The following CEP128 variants were observed in gnomAD, a reference collection of about 807,000 sequenced individuals.
CEP128 encodes centrosomal protein 128kDa.
A neutral mutation model predicts 156.7 loss-of-function variants in CEP128; 132 were observed. That is an observed-to-expected ratio of 0.84 (90% CI 0.73 to 0.97). The LOEUF (loss-of-function observed/expected upper bound fraction) is 0.97. Ranked by LOEUF, CEP128 falls within the 50% of genes least tolerant of loss-of-function variation. The pLI is 0.00. For synonymous variants in CEP128, 469 were observed against 448.9 expected (o/e 1.04, Z -0.57); for missense variants, 1,252 against 1,281.9 (o/e 0.98, Z 0.36).
chr14:80,836,074 A>T, intron 12 of CEP128, 131 bp downstream of exon 12: 1 of 836,370 alleles, frequency 1.2e-6, no homozygotes, highest in Non-Finnish European at 1.9e-6. Flanking sequence ...GAAAATGTTT[A>T]ATAGATCAAG....
At chr14:80,564,628 G>C (rs1383929651) in intron 20 of CEP128, among the ~76,000 whole-genome samples, 1 of 152,264 alleles carries the variant, frequency 6.6e-6, no homozygotes, top group Non-Finnish European at 1.5e-5. Context: ...CCTGGGTGTA[G>C]GCTGAACTAA....
chr14:80,817,697 G>A (rs976081025), intron 13 of CEP128, among the ~76,000 whole-genome samples: 1 of 151,984 alleles, frequency 6.6e-6, no homozygotes, highest in Non-Finnish European at 1.5e-5. Context: ...CCTGGCCAAC[G>A]TGATGAAACC....
chr14:80,492,964 TA>T (rs1310829539), downstream of CEP128, among the ~76,000 whole-genome samples: 1 of 152,128 alleles, frequency 6.6e-6, no homozygotes, highest in Non-Finnish European at 1.5e-5. Context: ...AGTTTTCTTT[TA>T]AAAATATATA....
At chr14:80,803,037 C>T (rs1485023047) in intron 13 of CEP128, among the ~76,000 whole-genome samples, 1 of 152,116 alleles carries the variant, frequency 6.6e-6, no homozygotes, top group Non-Finnish European at 1.5e-5. Flanking sequence ...AGACAATACA[C>T]GTTTTCATTC....
downstream of CEP128, among the ~76,000 whole-genome samples, chr14:80,493,578 A>G (rs1020121023): frequency 5.3e-5 from 8 of 152,166 alleles, no homozygotes; most frequent in African/African-American, 1.9e-4. Context: ...ATGCCCAACC[A>G]CAGAAGTATC....
intron 18 of CEP128, among the ~76,000 whole-genome samples, chr14:80,746,787 AC>A: frequency 6.6e-6 from 1 of 152,332 alleles, no homozygotes; most frequent in East Asian, 1.9e-4. Flanking sequence ...GCCACTACCA[AC>A]AAAAAGAAGA....
At chr14:80,780,582 G>T (rs1336350913) in intron 15 of CEP128, among the ~76,000 whole-genome samples, 1 of 151,904 alleles carries the variant, frequency 6.6e-6, no homozygotes, top group Non-Finnish European at 1.5e-5. Flanking sequence ...TCCGCAGAAT[G>T]CTTATAAATT....
At chr14:80,506,793 A>T (rs1325408780) in intron 23 of CEP128, among the ~76,000 whole-genome samples, 1 of 152,216 alleles carries the variant, frequency 6.6e-6, no homozygotes. Flanking sequence ...AAAGGCACGA[A>T]CATAATCCTC....
intron 4 of CEP128, among the ~76,000 whole-genome samples, chr14:80,908,616 T>C (rs949887234): frequency 1.3e-5 from 2 of 152,252 alleles, no homozygotes; most frequent in African/African-American, 2.4e-5. Flanking sequence ...GGTTACCTTA[T>C]AGTCCCATAT....
chr14:80,517,877 C>A (rs1278413221), intron 23 of CEP128, among the ~76,000 whole-genome samples: 1 of 152,192 alleles, frequency 6.6e-6, no homozygotes, highest in East Asian at 1.9e-4. Context: ...AGCCTTTATC[C>A]TGACTGGGAG....
In CEP128 at chr14:80,909,150, T is replaced by C. The variant is rs140948563; in HGVS notation, c.235-3069A>G. On this transcript the variant is annotated intron_variant, in intron 4 of 24. Transcript: ENST00000555265. ...TGGACTTAAGTTTTTTGCCAGATTC[T>C]GACTACATAATTCCTCACTGCCTTA... 2.4e-4 allele frequency among the ~76,000 whole-genome samples: 36 copies of C among 152,302 alleles called. No homozygotes were observed. In the East Asian group the frequency reaches 6.8e-3, roughly 29 times the overall value.
chr14:80,638,388 T>C (rs965719142), intron 19 of CEP128, among the ~76,000 whole-genome samples: 2 of 152,202 alleles, frequency 1.3e-5, no homozygotes, highest in African/African-American at 2.4e-5. Context: ...GAAGCAATGC[T>C]GTGTTTAATT....
chr14:80,491,771 T>C (rs868219062), downstream of CEP128, among the ~76,000 whole-genome samples: 3 of 152,174 alleles, frequency 2.0e-5, no homozygotes, highest in African/African-American at 7.2e-5. Flanking sequence ...AAATGTGACT[T>C]TATAGTGAAC....
rs1555372783 is a variant in CEP128 at position 80,541,443 on chromosome 14, T to TTAAAAAAAA, written c.2881-10558_2881-10557insTTTTTTTTA. On this transcript the variant is annotated intron_variant, in intron 21 of 24. Coordinates refer to ENST00000555265, the MANE Select transcript of CEP128 (RefSeq NM_152446.5). ...CAGAAAGTGAAGCTAATGACTGTGT[T>TTAAAAAAAA]AAAAAAAAAAAAAAAAAAAAAACCA... Among the ~76,000 whole-genome samples the TTAAAAAAAA allele has an allele frequency of 9.7e-4, 107 of 109,916 alleles. 1 individual carries two copies. Among genetic ancestry groups the TTAAAAAAAA allele is most frequent in the African/African-American group, 3.4e-3 (90 of 26,232 alleles). The allele number at this position is 109,916 out of a possible 152,430, so 72.1% of individuals were successfully genotyped here.
At chr14:80,781,117 A>G (rs577040878) in intron 15 of CEP128, among the ~76,000 whole-genome samples, 1 of 152,236 alleles carries the variant, frequency 6.6e-6, no homozygotes, top group South Asian at 2.1e-4. Context: ...AGCAGTCAAA[A>G]GTATGCACAG....
rs1011600795 is a variant in CEP128 at position 80,836,099 on chromosome 14, G to C, written c.1057+106C>G. ...AATAGATCAAGAAATAGTATGACGT[G>C]AGCATCACAAAGGAATGCAATTCTG... is the stretch of plus-strand genomic sequence containing the variant. On this transcript the variant is annotated intron_variant, in intron 12 of 24. Coordinates refer to ENST00000555265, the MANE Select transcript of CEP128 (RefSeq NM_152446.5). 6.1e-6 allele frequency: 6 copies of C among 981,706 alleles called. No individual in the cohort carries two copies. In the African/African-American group the frequency reaches 6.5e-5, roughly 11 times the overall value. 60.8% of individuals were successfully genotyped at this position (981,706 alleles called of 1,614,324 possible).
Position 80,831,202 on chromosome 14 carries a change from C to T in CEP128, c.1150G>A (p.Val384Met). 1.2e-6 allele frequency: 2 copies of T among 1,614,060 alleles called. No individual in the cohort carries two copies. Among genetic ancestry groups the T allele is most frequent in the Non-Finnish European group, 1.7e-6 (2 of 1,179,942 alleles). The change falls in exon 13 of 25, where the codon GTG (valine) becomes ATG (methionine). Residue 384 changes from valine (V) to methionine (M), a missense_variant. Val to Met is a conservative substitution (Grantham distance 21, BLOSUM62 1). Transcript: ENST00000555265. ...TCTTTTCTCTCCATGCACCGTTTCA[C>T]TTCCTCTAACTCAGATGCCATTGCG... ...FSAMASELEE[V>M]KRCMERKDKE...
chr14:80,879,962 A>G lies in CEP128; in HGVS notation c.645+15756T>C, dbSNP rs558891666. Among the ~76,000 whole-genome samples, 31 of 152,362 alleles carry G rather than the reference A, an allele frequency of 2.0e-4. No individual in the cohort carries two copies. The South Asian group carries it at 6.4e-3, about 32-fold the overall frequency. ...CTCTTCCAAAAAATGGAGCTAGAAT[A>G]ACTACATCAAAACACATTTTATGAA... On this transcript the variant is annotated intron_variant, in intron 8 of 24. Coordinates refer to ENST00000555265, the MANE Select transcript of CEP128 (RefSeq NM_152446.5).
chr14:80,839,450 G>A (rs1886246309), intron 10 of CEP128, among the ~76,000 whole-genome samples: 1 of 152,032 alleles, frequency 6.6e-6, no homozygotes, highest in African/African-American at 2.4e-5. Context: ...TATCCTGACG[G>A]TGGTAGTGGT....
Sources: allele counts gnomAD v4.1 joint callset (sites outside exome capture counted in the v4.1 genomes callset), GRCh38; gene constraint gnomAD v4.1.1; transcripts MANE v1.5; gene names NCBI Gene and HGNC (gene_info 2026-07-23, HGNC 2026-07-21).